Variants in NUP93 observed in about 807,000 individuals in gnomAD.
NUP93 encodes nucleoporin 93.
NUP93 carries 55 observed loss-of-function variants against 107.8 expected under a neutral mutation model. That is an observed-to-expected ratio of 0.51 (90% CI 0.41 to 0.64). The LOEUF (loss-of-function observed/expected upper bound fraction) is 0.64, where lower values mean the gene tolerates loss of function less well. Ranked by LOEUF, NUP93 falls within the 30% of genes least tolerant of loss-of-function variation. The probability of loss-of-function intolerance (pLI) is 0.00; values close to 1 mark genes in which losing one functional copy is unlikely to be tolerated. For synonymous variants in NUP93, 390 were observed against 397.5 expected (o/e 0.98, Z 0.22); for missense variants, 937 against 1,044.7 (o/e 0.90, Z 1.42).
intron 4 of NUP93, among the ~76,000 whole-genome samples, chr16:56,799,810 G>T (rs1387081328): frequency 6.6e-6 from 1 of 152,232 alleles, no homozygotes; most frequent in East Asian, 1.9e-4. Flanking sequence ...AAATAGGGCA[G>T]CAGGGAGACT....
chr16:56,757,202 T>C (rs951211480), intron 2 of NUP93, among the ~76,000 whole-genome samples: 30 of 152,374 alleles, frequency 2.0e-4, no homozygotes, highest in African/African-American at 7.0e-4. Context: ...TTAGGTGTTA[T>C]ACCTGTAGGT....
At chr16:56,830,760 C>G in intron 10 of NUP93, 75 bp downstream of exon 10, 1 of 1,348,208 alleles carries the variant, frequency 7.4e-7, no homozygotes, top group Non-Finnish European at 9.8e-7. Context: ...TCATTATTCT[C>G]TTTTCCCTGG....
At chr16:56,823,169 TG>T (rs1425368237) in intron 7 of NUP93, among the ~76,000 whole-genome samples, 1 of 151,268 alleles carries the variant, frequency 6.6e-6, no homozygotes, top group Non-Finnish European at 1.5e-5. Context: ...AGGGAGTGAG[TG>T]GGAAGGAAAA....
At chr16:56,781,915 G>C in intron 3 of NUP93, 1 of 985,196 alleles carries the variant, frequency 1.0e-6, no homozygotes. Flanking sequence ...GCTGTGCTCC[G>C]GGGGCTGCAG....
chr16:56,844,573 T>C lies in NUP93; in HGVS notation c.2424T>C (p.Asn808=). 6.3e-7 allele frequency: 1 copy of C among 1,591,404 alleles called. No individual in the cohort carries two copies. Among genetic ancestry groups the C allele is most frequent in the Non-Finnish European group, 8.6e-7 (1 of 1,169,212 alleles). Residue 808 remains asparagine, a synonymous_variant, in exon 22 of 22, where the codon AAT becomes AAC. Transcript: ENST00000308159. ...CATACCGAACGTCTGGGGACACCAATGCGAGGCTGGTGCAGATGGAGGTCC... is the reference window on the plus strand; with the variant it reads ...CATACCGAACGTCTGGGGACACCAACGCGAGGCTGGTGCAGATGGAGGTCC... ...MIPYRTSGDT[N]ARLVQMEVLM...
intron 2 of NUP93, among the ~76,000 whole-genome samples, chr16:56,749,405 A>G (rs1339314087): frequency 6.6e-6 from 1 of 152,212 alleles, no homozygotes; most frequent in African/African-American, 2.4e-5. Flanking sequence ...TCAGGATTCA[A>G]ACCTAGTGAG....
intron 4 of NUP93, among the ~76,000 whole-genome samples, chr16:56,802,595 G>C (rs1400764190): frequency 1.3e-5 from 2 of 152,040 alleles, no homozygotes; most frequent in African/African-American, 4.8e-5. Context: ...TGTCATATGT[G>C]TATGTATGTC....
chr16:56,826,647 A>T (rs1281440329), intron 8 of NUP93, among the ~76,000 whole-genome samples: 2 of 152,162 alleles, frequency 1.3e-5, no homozygotes, highest in Non-Finnish European at 2.9e-5. Context: ...ATAAGACGTG[A>T]AAAAGGAGGG....
At chr16:56,769,600 TA>T (rs374806029) in intron 3 of NUP93, among the ~76,000 whole-genome samples, 21 of 152,312 alleles carry the variant, frequency 1.4e-4, no homozygotes, top group Middle Eastern at 3.4e-3. Flanking sequence ...AGGTACACTG[TA>T]AAGGATTTCT....
intron 4 of NUP93, among the ~76,000 whole-genome samples, chr16:56,799,904 C>G (rs148788514): frequency 2.4e-3 from 372 of 152,324 alleles, no homozygotes; most frequent in Non-Finnish European, 3.9e-3. Context: ...AAATTCCCAT[C>G]ATGCACAGTG....
At chr16:56,747,911 T>C in intron 1 of NUP93, 1 of 177,602 alleles carries the variant, frequency 5.6e-6, no homozygotes, top group South Asian at 1.5e-4. Context: ...TGGTTTCCAT[T>C]TCCTTACCTG....
intron 1 of NUP93, among the ~76,000 whole-genome samples, chr16:56,740,126 G>T (rs1433025647): frequency 2.7e-4 from 32 of 116,388 alleles, no homozygotes; most frequent in South Asian, 8.8e-4. Flanking sequence ...GCGGGGGGCT[G>T]ACCCCCCCAC....
intron 19 of NUP93, 55 bp downstream of exon 19, chr16:56,839,124 C>T: frequency 1.8e-6 from 2 of 1,117,516 alleles, no homozygotes; most frequent in Non-Finnish European, 2.6e-6. Context: ...CTCGAAAATT[C>T]AAAACACTTC....
intron 2 of NUP93, among the ~76,000 whole-genome samples, chr16:56,752,328 AAAAC>A (rs1203703716): frequency 4.6e-5 from 7 of 152,328 alleles, no homozygotes; most frequent in South Asian, 4.1e-4. Flanking sequence ...GCAAAAATTG[AAAAC>A]AAACAAATGT....
intron 3 of NUP93, among the ~76,000 whole-genome samples, chr16:56,777,155 T>C (rs1332411587): frequency 2.0e-5 from 3 of 152,190 alleles, no homozygotes; most frequent in Non-Finnish European, 2.9e-5. Flanking sequence ...CCTGGAGAAA[T>C]ATTGAGGACT....
At chr16:56,777,811 C>T (rs1962442558) in intron 3 of NUP93, among the ~76,000 whole-genome samples, 1 of 152,178 alleles carries the variant, frequency 6.6e-6, no homozygotes, top group Admixed American at 6.5e-5. Flanking sequence ...TAGTATGTTA[C>T]CACCTAAGGC....
intron 3 of NUP93, among the ~76,000 whole-genome samples, chr16:56,785,826 A>G (rs1962614900): frequency 6.6e-6 from 1 of 152,248 alleles, no homozygotes; most frequent in South Asian, 2.1e-4. Context: ...ACTTATATGT[A>G]GATGGCTTCA....
At position 56,842,773 on chromosome 16, in the gene NUP93, G is replaced by A. The variant is rs1371326336; in HGVS notation, c.2349+940G>A. ...TTACCATGTTGCCCAGACTGGTCTC[G>A]AACTCCTGAGCTCAAGAGATCCCCC... On this transcript the variant is annotated intron_variant, in intron 21 of 21. Transcript: ENST00000308159. 9 of 345,826 alleles carry A rather than the reference G, an allele frequency of 2.6e-5. No homozygotes were observed. The East Asian group carries it at 2.6e-4, about 10-fold the overall frequency. The allele number at this position is 345,826 out of a possible 1,614,324, so 21.4% of individuals were successfully genotyped here. A position where few individuals can be genotyped will look rare whatever the true frequency, so the allele number is the denominator to read the frequency against.
chr16:56,842,570 TGA>T, intron 21 of NUP93: 3 of 433,380 alleles, frequency 6.9e-6, no homozygotes, highest in Admixed American at 2.5e-5. Flanking sequence ...TTTTTTTTTT[TGA>T]GGCAGGGCCT....
Sources: allele counts gnomAD v4.1 joint callset (sites outside exome capture counted in the v4.1 genomes callset), GRCh38; gene constraint gnomAD v4.1.1; transcripts MANE v1.5; gene names NCBI Gene and HGNC (gene_info 2026-07-23, HGNC 2026-07-21).